RFX4: variants seen among roughly 807,000 people sequenced by gnomAD.
RFX4 encodes transcription factor RFX4.
In RFX4, 10 loss-of-function variants were observed where a neutral mutation model predicts 95.0. That is an observed-to-expected ratio of 0.11 (90% CI 0.06 to 0.18). The LOEUF (loss-of-function observed/expected upper bound fraction) is 0.18, where lower values mean the gene tolerates loss of function less well. RFX4 is among the 10% of genes least tolerant of loss of function. The pLI is 1.00. For synonymous variants in RFX4, 321 were observed against 340.7 expected (o/e 0.94, Z 0.64); for missense variants, 640 against 922.0 (o/e 0.69, Z 3.96).
intron 15 of RFX4, among the ~76,000 whole-genome samples, chr12:106,734,650 G>T (rs1262849366): frequency 6.6e-6 from 1 of 151,508 alleles, no homozygotes; most frequent in East Asian, 1.9e-4. Context: ...AGTCACCCAA[G>T]CATCCGTGGA....
At chr12:106,648,236 A>C (rs1246921598) in intron 3 of RFX4, among the ~76,000 whole-genome samples, 2 of 152,184 alleles carry the variant, frequency 1.3e-5, no homozygotes, top group Non-Finnish European at 2.9e-5. Context: ...GATGCGTGGA[A>C]CACGGTGGAG....
At chr12:106,617,649 A>G (rs191676350) in intron 2 of RFX4, among the ~76,000 whole-genome samples, 2 of 152,346 alleles carry the variant, frequency 1.3e-5, no homozygotes, top group East Asian at 1.9e-4. Context: ...GTCTGTCCCA[A>G]CATATAGTCT....
intron 3 of RFX4, among the ~76,000 whole-genome samples, chr12:106,651,876 C>T (rs1002519362): frequency 1.3e-5 from 2 of 152,168 alleles, no homozygotes; most frequent in African/African-American, 2.4e-5. Context: ...ATTGGGCCAA[C>T]ACTGTTCAGG....
intron 7 of RFX4, among the ~76,000 whole-genome samples, chr12:106,691,236 G>A (rs149970190): frequency 3.1e-4 from 47 of 152,346 alleles, no homozygotes; most frequent in African/African-American, 1.1e-3. Context: ...GTTACTAGAA[G>A]GAGGAGATAA....
At chr12:106,752,102 A>G (rs952639588) in intron 17 of RFX4, among the ~76,000 whole-genome samples, 2 of 151,006 alleles carry the variant, frequency 1.3e-5, no homozygotes, top group Non-Finnish European at 2.9e-5. Flanking sequence ...TCCATCTTGA[A>G]TTGATTTTTG....
Position 106,761,278 on chromosome 12 carries a change from C to T in RFX4, c.2017C>T (p.Pro673Ser), listed in dbSNP as rs540883809. 2.5e-6 allele frequency: 4 copies of T among 1,614,044 alleles called. No individual in the cohort carries two copies. Among genetic ancestry groups the T allele is most frequent in the Non-Finnish European group, 3.4e-6 (4 of 1,180,030 alleles). Residue 673 changes from proline (P) to serine (S), a missense_variant, in exon 18 of 18, where the codon CCC becomes TCC. Around this residue, in one of 7 missense-constraint regions of RFX4, gnomAD observed 300 missense variants for 346.8 expected, o/e 0.87. Transcript: ENST00000392842. The part of the protein sequence containing the change: ...TPRLHPTPVT[P>S]RWPEVPSANT... ...CAGACTGCATCCTACCCCAGTCACTCCCCGCTGGCCAGAGGTGCCCTCAGC... is the reference window on the plus strand; with the variant it reads ...CAGACTGCATCCTACCCCAGTCACTTCCCGCTGGCCAGAGGTGCCCTCAGC...
At chr12:106,730,807 C>G (rs930924861) in intron 13 of RFX4, among the ~76,000 whole-genome samples, 4 of 152,134 alleles carry the variant, frequency 2.6e-5, no homozygotes, top group African/African-American at 9.7e-5. Flanking sequence ...TTTAGACCAA[C>G]CTGGCCAACA....
intron 15 of RFX4, among the ~76,000 whole-genome samples, chr12:106,743,267 T>C (rs561880448): frequency 1.4e-4 from 21 of 152,302 alleles, no homozygotes; most frequent in African/African-American, 5.1e-4. Flanking sequence ...ATTAGAATTG[T>C]CTTAAAAACT....
At chr12:106,627,141 A>T (rs961590921) in intron 2 of RFX4, among the ~76,000 whole-genome samples, 1 of 152,174 alleles carries the variant, frequency 6.6e-6, no homozygotes, top group Non-Finnish European at 1.5e-5. Flanking sequence ...GTGGGGACAG[A>T]GGATATCTAT....
At chr12:106,760,605 T>C (rs986461357) in intron 17 of RFX4, among the ~76,000 whole-genome samples, 3 of 152,230 alleles carry the variant, frequency 2.0e-5, no homozygotes, top group African/African-American at 7.2e-5. Context: ...GTTCTCTAAA[T>C]GATAGGCACT....
chr12:106,704,096 G>C (rs1169812840), intron 8 of RFX4, among the ~76,000 whole-genome samples: 1 of 138,178 alleles, frequency 7.2e-6, no homozygotes, highest in African/African-American at 2.7e-5. Flanking sequence ...AAAAAAGGCT[G>C]AAATGACTTG....
At chr12:106,721,322 T>G (rs938190262) in intron 13 of RFX4, among the ~76,000 whole-genome samples, 3 of 152,182 alleles carry the variant, frequency 2.0e-5, no homozygotes, top group Non-Finnish European at 4.4e-5. Flanking sequence ...TCTTTAAAAA[T>G]GTACTCTAGT....
intron 1 of RFX4, among the ~76,000 whole-genome samples, chr12:106,601,726 C>T (rs1409259683): frequency 6.6e-6 from 1 of 152,224 alleles, no homozygotes; most frequent in African/African-American, 2.4e-5. Flanking sequence ...GTGGGCCCGG[C>T]GGGCAAGGCC....
intron 1 of RFX4, among the ~76,000 whole-genome samples, chr12:106,596,322 G>A (rs1322535566): frequency 6.6e-6 from 1 of 152,148 alleles, no homozygotes. Context: ...TGCCATCCAC[G>A]TAAGATGTGA....
intron 2 of RFX4, among the ~76,000 whole-genome samples, chr12:106,614,499 G>GTGTGTA (rs2040030129): frequency 6.7e-6 from 1 of 150,016 alleles, no homozygotes. Context: ...GTGTGTGTGT[G>GTGTGTA]TGTGTGTGTG....
At chr12:106,648,173 G>A (rs1254520128) in intron 3 of RFX4, among the ~76,000 whole-genome samples, 1 of 152,216 alleles carries the variant, frequency 6.6e-6, no homozygotes, top group Non-Finnish European at 1.5e-5. Context: ...AGCAGATGGG[G>A]TTGAGTGTGC....
chr12:106,686,833 C>T (rs750074263), intron 5 of RFX4, 51 bp from the exon 6 acceptor site: 1 of 1,502,212 alleles, frequency 6.7e-7, no homozygotes, highest in East Asian at 2.3e-5. Context: ...GCATGTGGGT[C>T]TCTCTCTTTT....
intron 17 of RFX4, among the ~76,000 whole-genome samples, chr12:106,752,121 G>A (rs1193420224): frequency 1.3e-5 from 2 of 151,324 alleles, no homozygotes; most frequent in East Asian, 1.9e-4. Context: ...TGTATAAGGC[G>A]TAAGGAAGGG....
At chr12:106,739,482 G>C (rs1304125811) in intron 15 of RFX4, among the ~76,000 whole-genome samples, 1 of 152,146 alleles carries the variant, frequency 6.6e-6, no homozygotes, top group Non-Finnish European at 1.5e-5. Flanking sequence ...ACAAGGACTA[G>C]GGAATACAAG....
Sources: allele counts gnomAD v4.1 joint callset (sites outside exome capture counted in the v4.1 genomes callset), GRCh38; gene constraint gnomAD v4.1.1; regional missense constraint gnomAD v4.1.1; transcripts MANE v1.5; gene names NCBI Gene and HGNC (gene_info 2026-07-23, HGNC 2026-07-21).